The following PHC2 variants were observed in gnomAD, a reference collection of about 807,000 sequenced individuals.
The protein encoded by PHC2 is polyhomeotic-like protein 2.
Under a neutral mutation model 87.4 loss-of-function variants are expected in PHC2, and 29 were observed. The ratio of observed to expected loss-of-function variants is 0.33; its 90% CI spans 0.25 to 0.45. The LOEUF (loss-of-function observed/expected upper bound fraction) is 0.45, where lower values mean the gene tolerates loss of function less well. Among genes scored for constraint, PHC2 ranks in the 20% least tolerant of loss-of-function variants. PHC2 has a pLI of 1.00. For missense variants in PHC2, 857 were observed against 1,136.7 expected (o/e 0.75, Z 3.54); for synonymous variants, 438 against 461.7 (o/e 0.95, Z 0.66).
chr1:33,366,516 C>G (rs1647461037), intron 7 of PHC2, among the ~76,000 whole-genome samples: 1 of 152,200 alleles, frequency 6.6e-6, no homozygotes, highest in Admixed American at 6.5e-5. Context: ...TCTCCTCAAG[C>G]CACATAGCTC....
rs552267477 is a variant in PHC2 at position 33,399,820 on chromosome 1, T to C, written c.-54-24227A>G. Among the ~76,000 whole-genome samples the C allele has an allele frequency of 1.4e-4, 21 of 151,556 alleles. No homozygotes were observed. In the South Asian group the frequency reaches 3.8e-3, roughly 27 times the overall value. Reference sequence around the variant, plus strand: ...GCTCAAGAGACTGGCGGGGGCAGGGTTGGGGGAGCTTTAAAATGTTTACAA... The same window carrying C: ...GCTCAAGAGACTGGCGGGGGCAGGGCTGGGGGAGCTTTAAAATGTTTACAA... On this transcript the variant is annotated intron_variant, in intron 1 of 14. Transcript: ENST00000683057.
At chr1:33,413,378 G>T (rs1401566003) in intron 1 of PHC2, among the ~76,000 whole-genome samples, 1 of 152,178 alleles carries the variant, frequency 6.6e-6, no homozygotes, top group African/African-American at 2.4e-5. Flanking sequence ...ATCTAACACT[G>T]AAGTATTGAA....
At chr1:33,378,914 G>A (rs899281866) in intron 1 of PHC2, among the ~76,000 whole-genome samples, 1 of 152,008 alleles carries the variant, frequency 6.6e-6, no homozygotes, top group African/African-American at 2.4e-5. Flanking sequence ...ACATTAATGA[G>A]AGCATGATTA....
intron 1 of PHC2, among the ~76,000 whole-genome samples, chr1:33,407,434 C>A (rs6425818): frequency 0.72 from 108,989 of 151,730 alleles, 39,951 homozygotes; most frequent in African/African-American, 0.87. Flanking sequence ...GCACCAGAAA[C>A]CACTACTAGT....
rs771953657 is a variant in PHC2 at position 33,368,498 on chromosome 1, C to T, written c.663+38G>A. The T allele has an allele frequency of 3.5e-6, 4 of 1,150,636 alleles. No homozygotes were observed. Among genetic ancestry groups the T allele is most frequent in the African/African-American group, 3.1e-5 (2 of 65,332 alleles). 71.3% of individuals were successfully genotyped at this position (1,150,636 alleles called of 1,614,324 possible). A position where few individuals can be genotyped will look rare whatever the true frequency, so the allele number is the denominator to read the frequency against. On this transcript the variant is annotated intron_variant, in intron 6 of 14. Coordinates refer to ENST00000683057, the MANE Select transcript of PHC2 (RefSeq NM_001385109.1). This position sits in a 1 kb window ranked among gnomAD's most constrained non-coding sequence, Gnocchi z 6.6. ...GTATCAGTGCCCCTCTACAGGGGTG[C>T]CCACCCCCCTGCCCTCCCACAAGCA...
At chr1:33,384,915 C>G (rs1055869465) in intron 1 of PHC2, among the ~76,000 whole-genome samples, 1 of 152,194 alleles carries the variant, frequency 6.6e-6, no homozygotes, top group Non-Finnish European at 1.5e-5. Context: ...TTGGGAAGCT[C>G]TTCACCTCCT....
Position 33,364,427 on chromosome 1 carries a change from C to T in PHC2, c.976+2689G>A, listed in dbSNP as rs1422098890. 1.3e-5 allele frequency among the ~76,000 whole-genome samples: 2 copies of T among 151,712 alleles called. No individual in the cohort carries two copies. The highest frequency in any genetic ancestry group is 2.9e-5 in the Non-Finnish European group (2 of 67,894). On this transcript the variant is annotated intron_variant, in intron 7 of 14. Coordinates refer to ENST00000683057, the MANE Select transcript of PHC2 (RefSeq NM_001385109.1). The surrounding 1 kb of genome is among the most constrained non-coding windows in gnomAD (Gnocchi z 4.1). Reference sequence around the variant, plus strand: ...ACACACACACACACACACACACACGCTCAAGCACGCTCTTCTCTCCTGCTC... The same window carrying T: ...ACACACACACACACACACACACACGTTCAAGCACGCTCTTCTCTCCTGCTC...
intron 9 of PHC2, among the ~76,000 whole-genome samples, chr1:33,342,715 G>A (rs984468749): frequency 3.3e-5 from 5 of 152,222 alleles, no homozygotes; most frequent in African/African-American, 1.2e-4. Context: ...GCTGCAGGGA[G>A]TCAGGGAGGA....
In PHC2 at chr1:33,324,910, G is replaced by A. The variant is rs139234924; in HGVS notation, c.2535C>T (p.Pro845=). Residue 845 remains proline (P), a synonymous_variant, in exon 15 of 15, where the codon CCC becomes CCT. Coordinates refer to ENST00000683057, the MANE Select transcript of PHC2 (RefSeq NM_001385109.1). ...TGATGCGGGCGTAGATCTTCAGGGCGGGCCCCAGCTTGATGTTCATGGCGC... is the reference window on the plus strand; with the variant it reads ...TGATGCGGGCGTAGATCTTCAGGGCAGGCCCCAGCTTGATGTTCATGGCGC... ...LMSAMNIKLG[P]ALKIYARISM... 335 of 1,613,592 alleles carry A rather than the reference G, an allele frequency of 2.1e-4. No individual in the cohort carries two copies. Among genetic ancestry groups the A allele is most frequent in the Non-Finnish European group, 2.6e-4 (303 of 1,179,770 alleles).
chr1:33,333,309 C>T (rs1454101754), intron 10 of PHC2: 1 of 152,304 alleles, frequency 6.6e-6, no homozygotes, highest in African/African-American at 2.4e-5. Flanking sequence ...TCAAACCACT[C>T]ATGGAACCAA....
chr1:33,337,166 T>A (rs912207032), intron 9 of PHC2, among the ~76,000 whole-genome samples: 3 of 152,216 alleles, frequency 2.0e-5, no homozygotes, highest in Admixed American at 1.3e-4. Context: ...TCTAATGAAC[T>A]GCAGATTATA....
chr1:33,335,789 A>G (rs1646615366), intron 9 of PHC2, among the ~76,000 whole-genome samples: 1 of 150,970 alleles, frequency 6.6e-6, no homozygotes, highest in Non-Finnish European at 1.5e-5. Flanking sequence ...AATCCCAGCT[A>G]CTCAGGAGGC....
intron 9 of PHC2, among the ~76,000 whole-genome samples, chr1:33,348,898 C>T (rs1437712660): frequency 1.3e-5 from 2 of 152,166 alleles, no homozygotes; most frequent in Admixed American, 6.5e-5. Flanking sequence ...GACTGGTATC[C>T]GACACGGGGC....
intron 9 of PHC2, among the ~76,000 whole-genome samples, chr1:33,348,749 G>A (rs1646894891): frequency 6.6e-6 from 1 of 152,198 alleles, no homozygotes; most frequent in Non-Finnish European, 1.5e-5. Flanking sequence ...TGAAAAGAGT[G>A]TGTTCCGTAC....
At chr1:33,400,231 A>G (rs992123660) in intron 1 of PHC2, among the ~76,000 whole-genome samples, 11 of 152,222 alleles carry the variant, frequency 7.2e-5, no homozygotes, top group Non-Finnish European at 1.5e-4. Context: ...CAATTTGGCA[A>G]TATTTTTAGC....
At position 33,329,077 on chromosome 1, in the gene PHC2, G is replaced by A. The variant is rs1646433325; in HGVS notation, c.2218C>T (p.Arg740Cys). ...QLTHSQEDSS[R>C]CSDNSSYEEP... ...TCATAGCTTGAGTTATCTGAGCAAC[G>A]GCTGGAGTCTTCCTGGCTGTGTGTT... Residue 740 changes from arginine to cysteine, a missense_variant, in exon 14 of 15, where the codon CGT (arginine) becomes TGT (cysteine). Transcript: ENST00000683057. 6.2e-7 allele frequency: 1 copy of A among 1,614,186 alleles called. No homozygotes were observed. Among genetic ancestry groups the A allele is most frequent in the Non-Finnish European group, 8.5e-7 (1 of 1,180,032 alleles).
chr1:33,398,518 T>G (rs537761881), intron 1 of PHC2, among the ~76,000 whole-genome samples: 9 of 152,226 alleles, frequency 5.9e-5, no homozygotes, highest in African/African-American at 1.7e-4. Context: ...GATTTTTATT[T>G]TCTCATTTAT....
intron 14 of PHC2, chr1:33,326,549 C>T (rs142912118): frequency 1.0e-4 from 16 of 152,384 alleles, no homozygotes; most frequent in African/African-American, 3.4e-4. Flanking sequence ...CAGACAACAG[C>T]TTACCCTTGA....
At chr1:33,359,251 C>T (rs528917192) in intron 7 of PHC2, among the ~76,000 whole-genome samples, 3 of 152,268 alleles carry the variant, frequency 2.0e-5, no homozygotes, top group Non-Finnish European at 2.9e-5. Context: ...GTTTATCCTA[C>T]AAGACTTGTT....
Sources: gnomAD v4.1 joint callset for allele counts (sites outside exome capture counted in the v4.1 genomes callset) on GRCh38, gnomAD v4.1.1 for gene constraint, Gnocchi (gnomAD v3.1) non-coding constraint, MANE v1.5 for transcripts, NCBI Gene and HGNC (gene_info 2026-07-23, HGNC 2026-07-21) for gene names.